Variants in PLCB2 observed in about 807,000 individuals in gnomAD.
PLCB2 encodes phospholipase C beta 2.
Under a neutral mutation model 141.7 loss-of-function variants are expected in PLCB2, and 115 were observed. The ratio of observed to expected loss-of-function variants is 0.81; its 90% CI spans 0.70 to 0.95. PLCB2 has a LOEUF of 0.95. Ranked by LOEUF, PLCB2 falls within the 40% of genes least tolerant of loss-of-function variation. PLCB2 has a pLI of 0.00. For synonymous variants in PLCB2, 603 were observed against 595.6 expected, an observed-to-expected ratio of 1.01 and a Z score of -0.18; for missense variants, 1,403 against 1,541.1, an observed-to-expected ratio of 0.91 and a Z score of 1.50.
At position 40,304,073 on chromosome 15, in the gene PLCB2, A is replaced by G. The variant is rs2141177496; in HGVS notation, c.90T>C (p.Thr30=). Residue 30 remains threonine, a synonymous_variant, in exon 2 of 32, where the codon ACT becomes ACC. Coordinates refer to ENST00000260402, the MANE Select transcript of PLCB2 (RefSeq NM_004573.3). ...GERFIKWDDE[T]TVASPVILRV... ...GGAGGATAACTGGAGAGGCAACTGT[A>G]GTTTCCTGCAGAGAGAAGGAGCCAG... 1 of 1,594,450 alleles carries G rather than the reference A, an allele frequency of 6.3e-7. No homozygotes were observed. The highest frequency in any genetic ancestry group is 2.3e-5 in the East Asian group (1 of 44,354).
downstream of PLCB2, chr15:40,287,830 C>G: frequency 1.5e-6 from 1 of 672,442 alleles, no homozygotes. Context: ...TTTTCCCCAG[C>G]CCGTTTCATT....
At position 40,301,310 on chromosome 15, in the gene PLCB2, G is replaced by C. The variant is rs2040493308; in HGVS notation, c.582+647C>G. On this transcript the variant is annotated intron_variant, in intron 7 of 31. Coordinates refer to ENST00000260402, the MANE Select transcript of PLCB2 (RefSeq NM_004573.3). ...CAAGAGCACTGGCCAAGCAGGGACAGGGGCTGAGATTCGCTCCATTGGCCA... is the reference window on the plus strand; with the variant it reads ...CAAGAGCACTGGCCAAGCAGGGACACGGGCTGAGATTCGCTCCATTGGCCA... 3 of 535,244 alleles carry C rather than the reference G, an allele frequency of 5.6e-6. No individual in the cohort carries two copies. In the Admixed American group the frequency reaches 9.9e-5, roughly 18 times the overall value. The allele number at this position is 535,244 out of a possible 1,614,324, so 33.2% of individuals were successfully genotyped here. A position where few individuals can be genotyped will look rare whatever the true frequency, so the allele number is the denominator to read the frequency against.
rs774830264 is a variant in PLCB2 at position 40,294,335 on chromosome 15, C to T, written c.1992G>A (p.Pro664=). 64 of 1,614,062 alleles carry T rather than the reference C, an allele frequency of 4.0e-5. No individual in the cohort carries two copies. In the East Asian group the frequency reaches 1.3e-3, roughly 33 times the overall value. ...CTGAGAAGGGGTTGAACTGCTTGTC[C>T]GGCCGGCGCATGAACTCATGCTTGA... is the stretch of plus-strand genomic sequence containing the variant. ...YLLKHEFMRR[P]DKQFNPFSVD... Residue 664 remains proline, a synonymous_variant, in exon 19 of 32, where the codon CCG becomes CCA. Transcript: ENST00000260402.
At position 40,294,451 on chromosome 15, in the gene PLCB2, G is replaced by C. The variant is rs748052938; in HGVS notation, c.1907-31C>G. The stretch of plus-strand genomic sequence containing the variant: ...GGGACAAGGACACTCAGTGAGGAAG[G>C]CCCAGCCCTGGGGCTGTGCCCAGTC... On this transcript the variant is annotated intron_variant, in intron 18 of 31. Transcript: ENST00000260402. 32 of 1,611,892 alleles carry C rather than the reference G, an allele frequency of 2.0e-5. No individual in the cohort carries two copies. The Admixed American group carries it at 2.7e-4, about 13-fold the overall frequency.
intron 1 of PLCB2, among the ~76,000 whole-genome samples, chr15:40,306,768 C>A (rs1287695674): frequency 4.6e-5 from 7 of 152,224 alleles, no homozygotes; most frequent in Admixed American, 1.3e-4. Flanking sequence ...CTTCCTGGGA[C>A]AAGCCCAGCA....
intron 20 of PLCB2, 57 bp from the exon 21 acceptor site, chr15:40,293,082 C>T: frequency 9.4e-7 from 1 of 1,065,184 alleles, no homozygotes. Flanking sequence ...CAAGCTGACC[C>T]CCTCCCTGGC....
At chr15:40,290,721 G>C in intron 28 of PLCB2, 40 bp downstream of exon 28, 1 of 1,611,636 alleles carries the variant, frequency 6.2e-7, no homozygotes, top group Non-Finnish European at 8.5e-7. Context: ...CTGAGCCCTT[G>C]CTGGGAGGCG....
rs1247860215 is a variant in PLCB2 at position 40,296,391 on chromosome 15, C to T, written c.1601G>A (p.Gly534Asp). 1.9e-6 allele frequency: 3 copies of T among 1,613,788 alleles called. No individual in the cohort carries two copies. The South Asian group carries it at 3.3e-5, about 18-fold the overall frequency. ...AGCCGTCACTTCCAGGCCCGCTGTGCCCTAAGGAGAAGAGGGGAGGGCAAA... is the reference window on the plus strand; with the variant it reads ...AGCCGTCACTTCCAGGCCCGCTGTGTCCTAAGGAGAAGAGGGGAGGGCAAA... ...EEIKKMQSDE[G>D]TAGLEVTAYE... is the part of the protein sequence containing the mutation. Residue 534 changes from glycine to aspartate, a missense_variant and splice_region_variant, in exon 16 of 32, where the codon GGC becomes GAC. Coordinates refer to ENST00000260402, the MANE Select transcript of PLCB2 (RefSeq NM_004573.3).
In PLCB2 at chr15:40,302,302, G is replaced by T. The variant is rs367883292; in HGVS notation, c.420C>A (p.Ala140=). 4.3e-6 allele frequency: 7 copies of T among 1,614,162 alleles called. No individual in the cohort carries two copies. The highest frequency in any genetic ancestry group is 5.9e-6 in the Non-Finnish European group (7 of 1,180,020). Reference sequence around the variant, plus strand: ...CCAGGAAGGTGCTGCGGGAGGCGTTGGCCGTCAGCGGATGTTTGACTAGGG... The same window carrying T: ...CCAGGAAGGTGCTGCGGGAGGCGTTTGCCGTCAGCGGATGTTTGACTAGGG... ...VLALVKHPLT[A]NASRSTFLDK... Residue 140 remains alanine, a synonymous_variant, in exon 5 of 32, where the codon GCC becomes GCA. Coordinates refer to ENST00000260402, the MANE Select transcript of PLCB2 (RefSeq NM_004573.3).
At chr15:40,307,419 C>T (rs138090332) in intron 1 of PLCB2, among the ~76,000 whole-genome samples, 170 bp downstream of exon 1, 2 of 152,268 alleles carry the variant, frequency 1.3e-5, no homozygotes, top group African/African-American at 4.8e-5. Context: ...GACATACACC[C>T]TTAATCCCAG....
chr15:40,298,865 T>A lies in PLCB2; in HGVS notation c.783A>T (p.Pro261=). Residue 261 remains proline, a synonymous_variant, in exon 9 of 32, where the codon CCA becomes CCT. Coordinates refer to ENST00000260402, the MANE Select transcript of PLCB2 (RefSeq NM_004573.3). ...GGCCCTGCACCTGGTCAGGCCGTGC[T>A]GGCGGGAACAGCAGGGAGTTAAGCC... is the stretch of plus-strand genomic sequence containing the variant. The part of the protein sequence containing the change: ...DSRLNSLLFP[P]ARPDQVQGLI... The A allele has an allele frequency of 6.2e-7, 1 of 1,613,420 alleles. No individual in the cohort carries two copies. The highest frequency in any genetic ancestry group is 8.5e-7 in the Non-Finnish European group (1 of 1,180,018).
At chr15:40,304,502 T>C (rs2141181791) in intron 1 of PLCB2, among the ~76,000 whole-genome samples, 1 of 152,228 alleles carries the variant, frequency 6.6e-6, no homozygotes. Context: ...TCCTACCCTG[T>C]CCATTCAACT....
chr15:40,302,498 A>G lies in PLCB2; in HGVS notation c.343T>C (p.Phe115Leu). Residue 115 changes from phenylalanine to leucine, a missense_variant, in exon 4 of 32, where the codon TTC becomes CTC. Physicochemically the swap from Phe to Leu is conservative, Grantham distance 22. This residue lies in a region of PLCB2 where 975 missense variants were observed against 1,141.1 expected (regional missense o/e 0.85). Transcript: ENST00000260402. ...PDMVDLTFHN[F>L]VSYKENVGKA... is the part of the protein sequence containing the mutation. Reference sequence around the variant, plus strand: ...CCCACGTTCTCCTTGTAGGAGACGAAGTTGTGGAAGGTGAGGTCCACCATG... The same window carrying G: ...CCCACGTTCTCCTTGTAGGAGACGAGGTTGTGGAAGGTGAGGTCCACCATG... 1 of 1,614,016 alleles carries G rather than the reference A, an allele frequency of 6.2e-7. No homozygotes were observed. Among genetic ancestry groups the G allele is most frequent in the Non-Finnish European group, 8.5e-7 (1 of 1,179,940 alleles).
chr15:40,291,888 C>T lies in PLCB2; in HGVS notation c.2563G>A (p.Val855Ile). The T allele has an allele frequency of 1.2e-6, 2 of 1,614,206 alleles. No individual in the cohort carries two copies. Among genetic ancestry groups the T allele is most frequent in the Non-Finnish European group, 8.5e-7 (1 of 1,180,022 alleles). The change falls in exon 24 of 32, where the codon GTC (valine) becomes ATC (isoleucine). Residue 855 changes from valine to isoleucine, a missense_variant. Physicochemically the swap from Val to Ile is conservative, Grantham distance 29. Around this residue, in one of 4 missense-constraint regions of PLCB2, gnomAD observed 975 missense variants for 1,141.1 expected, o/e 0.85. Transcript: ENST00000260402. ...FPLASPVASQVNGALAPTSNG... is the reference protein window; with the variant it reads ...FPLASPVASQINGALAPTSNG... ...CTCGTTGGGGCCAACGCCCCATTGA[C>T]CTGGCTGGCAACTGGACTCGCCAGT... is the stretch of plus-strand genomic sequence containing the variant.
Position 40,293,735 on chromosome 15 carries a change from G to A in PLCB2, c.2062-11C>T. The stretch of plus-strand genomic sequence containing the variant: ...CTGCCCAGAGATCACCTGGGGGTAG[G>A]GGCCCAGGAAAACCAGCATCAAATC... On this transcript the variant is annotated splice_polypyrimidine_tract_variant and intron_variant, in intron 19 of 31. Coordinates refer to ENST00000260402, the MANE Select transcript of PLCB2 (RefSeq NM_004573.3). 1.9e-6 allele frequency: 3 copies of A among 1,600,880 alleles called. No individual in the cohort carries two copies. Among genetic ancestry groups the A allele is most frequent in the Non-Finnish European group, 2.6e-6 (3 of 1,169,568 alleles).
rs370367411 is a variant in PLCB2 at position 40,297,631 on chromosome 15, G to A, written c.1239-26C>T. The A allele has an allele frequency of 1.5e-5, 23 of 1,585,490 alleles. No individual in the cohort carries two copies. Among genetic ancestry groups the A allele is most frequent in the Non-Finnish European group, 1.9e-5 (22 of 1,154,684 alleles). On this transcript the variant is annotated intron_variant, in intron 12 of 31. Coordinates refer to ENST00000260402, the MANE Select transcript of PLCB2 (RefSeq NM_004573.3). This position sits in a 1 kb window ranked among gnomAD's most constrained non-coding sequence, Gnocchi z 4.2. ...CTGCGGGGAGCAAAAGCGGGGATGG[G>A]GTTCAGCCGCTCAGCACCAACCCTA...
At chr15:40,289,563 C>G (rs547394012) in intron 30 of PLCB2, 120 of 590,240 alleles carry the variant, frequency 2.0e-4, no homozygotes, top group South Asian at 1.3e-3. Context: ...TGTGAGGCAC[C>G]TGGCAGAGTG....
rs771452038 is a variant in PLCB2 at position 40,292,956 on chromosome 15, G to A, written c.2296C>T (p.Arg766Cys). Reference protein sequence around the residue: ...MEEGNKFLGHRIIPINALNSG... With the variant: ...MEEGNKFLGHCIIPINALNSG... ...TTTAGGGCATTGATGGGGATGATGC[G>A]GTGTCCAAGAAACTTGTTGCCTTCC... The change falls in exon 21 of 32, where the codon CGC becomes TGC. Residue 766 changes from arginine (R) to cysteine (C), a missense_variant. Arg to Cys is a radical substitution (Grantham distance 180). This residue lies in a region of PLCB2 where 975 missense variants were observed against 1,141.1 expected (regional missense o/e 0.85). Coordinates refer to ENST00000260402, the MANE Select transcript of PLCB2 (RefSeq NM_004573.3). 16 of 1,606,550 alleles carry A rather than the reference G, an allele frequency of 1.0e-5. No individual in the cohort carries two copies. The highest frequency in any genetic ancestry group is 2.3e-5 in the East Asian group (1 of 44,230).
At chr15:40,299,552 T>G (rs2040407394) in intron 7 of PLCB2, among the ~76,000 whole-genome samples, 1 of 152,178 alleles carries the variant, frequency 6.6e-6, no homozygotes. Context: ...CTATCTTTTT[T>G]AAGTGGAGGA....
Sources: allele counts gnomAD v4.1 joint callset (sites outside exome capture counted in the v4.1 genomes callset), GRCh38; gene constraint gnomAD v4.1.1; regional missense constraint gnomAD v4.1.1; non-coding constraint Gnocchi (gnomAD v3.1); transcripts MANE v1.5; gene names NCBI Gene and HGNC (gene_info 2026-07-23, HGNC 2026-07-21).